BLTP1: variants seen among roughly 807,000 people sequenced by gnomAD.
BLTP1 encodes the protein bridge-like lipid transfer protein family member 1.
At chr4:122,249,073 A>C in the BLTP1 span, 23 of 941,490 alleles carry the variant, frequency 2.4e-5, no homozygotes, top group Non-Finnish European at 2.9e-5. Flanking sequence ...TGTCAGTATA[A>C]AACAGTCTTT....
chr4:122,356,498 A>T, the BLTP1 span: 1 of 985,072 alleles, frequency 1.0e-6, no homozygotes, highest in East Asian at 2.4e-5. Flanking sequence ...TGTAAATCAC[A>T]TACAGATATT....
chr4:122,225,413 A>T, the BLTP1 span: 2 of 152,214 alleles, frequency 1.3e-5, no homozygotes, highest in Non-Finnish European at 2.9e-5. Flanking sequence ...TATTTATTAT[A>T]ATATGAATGC....
chr4:122,335,975 G>A, the BLTP1 span: 24 of 370,268 alleles, frequency 6.5e-5, no homozygotes, highest in East Asian at 4.3e-4. Context: ...AACTTGTGAC[G>A]CAGAGCAAGT....
At chr4:122,215,729 T>G in the BLTP1 span, among the ~76,000 whole-genome samples, 1 of 152,118 alleles carries the variant, frequency 6.6e-6, no homozygotes, top group Non-Finnish European at 1.5e-5. Context: ...GAACAGGTAG[T>G]TTTTGGTTAC....
chr4:122,240,288 C>G, the BLTP1 span: 2 of 1,614,140 alleles, frequency 1.2e-6, no homozygotes, highest in Non-Finnish European at 1.7e-6. Flanking sequence ...TCCCCTTGAT[C>G]TGGATACACC....
chr4:122,233,789 T>A, the BLTP1 span, among the ~76,000 whole-genome samples: 1 of 152,202 alleles, frequency 6.6e-6, no homozygotes, highest in Non-Finnish European at 1.5e-5. Flanking sequence ...CTCATAACAC[T>A]TAATACAATT....
At chr4:122,276,506 AAT>A in the BLTP1 span, 1 of 983,646 alleles carries the variant, frequency 1.0e-6, no homozygotes. Context: ...ACTATATGTA[AAT>A]ATGTGTTTAG....
chr4:122,195,472 T>G, the BLTP1 span, among the ~76,000 whole-genome samples: 1 of 152,196 alleles, frequency 6.6e-6, no homozygotes, highest in Non-Finnish European at 1.5e-5. Context: ...CTTTCATTAG[T>G]ATTTTCTGAC....
At chr4:122,321,566 T>G in the BLTP1 span, among the ~76,000 whole-genome samples, 4 of 152,092 alleles carry the variant, frequency 2.6e-5, no homozygotes, top group Non-Finnish European at 5.9e-5. Context: ...CACACACATG[T>G]GATATATATA....
At chr4:122,249,110 A>G in the BLTP1 span, 1 of 874,176 alleles carries the variant, frequency 1.1e-6, no homozygotes, top group Non-Finnish European at 1.4e-6. Context: ...TTGCCTAGAA[A>G]ATAATGTTTT....
chr4:122,353,648 A>G, the BLTP1 span: 11 of 406,218 alleles, frequency 2.7e-5, no homozygotes, highest in Non-Finnish European at 3.7e-5. This position sits in a 1 kb window ranked among gnomAD's most constrained non-coding sequence, Gnocchi z 4.3. Flanking sequence ...AATTACCACT[A>G]ATAGAAGAAT....
the BLTP1 span, chr4:122,344,266 G>A: frequency 6.0e-6 from 7 of 1,169,238 alleles, no homozygotes; most frequent in Non-Finnish European, 6.9e-6. Context: ...TTTACCTCAA[G>A]TGATTTTAAT....
At chr4:122,238,176 T>A in the BLTP1 span, 4 of 1,613,910 alleles carry the variant, frequency 2.5e-6, no homozygotes, top group African/African-American at 1.3e-5. Flanking sequence ...CACCTTAGTC[T>A]TCAAGTACCA....
chr4:122,162,388 T>C, the BLTP1 span: 1 of 250,356 alleles, frequency 4.0e-6, no homozygotes, highest in South Asian at 1.5e-4. Flanking sequence ...GTTCAACTTA[T>C]GGGATATTTG....
chr4:122,224,104 A>C, the BLTP1 span: 1 of 982,122 alleles, frequency 1.0e-6, no homozygotes, highest in African/African-American at 1.7e-5. Context: ...TAATGGTCTG[A>C]GTTCTTCAAT....
the BLTP1 span, chr4:122,204,303 G>A: frequency 1.0e-6 from 1 of 974,752 alleles, no homozygotes; most frequent in African/African-American, 1.8e-5. Flanking sequence ...AGAAAGTAAG[G>A]AAAGACACTA....
chr4:122,321,979 A>AT, the BLTP1 span, among the ~76,000 whole-genome samples: 5 of 27,018 alleles, frequency 1.9e-4, 1 homozygote, highest in Non-Finnish European at 2.4e-4. Flanking sequence ...ACTACATGTA[A>AT]TTTTTTTTTT....
At chr4:122,179,818 T>G in the BLTP1 span, 1 of 984,136 alleles carries the variant, frequency 1.0e-6, no homozygotes, top group Non-Finnish European at 1.2e-6. Flanking sequence ...CAAGTGCTAG[T>G]ACACTCACTG....
chr4:122,204,140 C>T, the BLTP1 span, among the ~76,000 whole-genome samples: 1 of 151,850 alleles, frequency 6.6e-6, no homozygotes, highest in Non-Finnish European at 1.5e-5. Context: ...GTCTCAAGTA[C>T]ATTGGCATGT....
Sources: gnomAD v4.1 joint callset for allele counts (sites outside exome capture counted in the v4.1 genomes callset) on GRCh38, gnomAD v4.1.1 for gene constraint, Gnocchi (gnomAD v3.1) non-coding constraint, MANE v1.5 for transcripts, NCBI Gene and HGNC (gene_info 2026-07-23, HGNC 2026-07-21) for gene names.